Variants in BOD1L1 observed in about 807,000 individuals in gnomAD.
BOD1L1 encodes the protein biorientation of chromosomes in cell division protein 1-like 1.
A neutral mutation model predicts 240.7 loss-of-function variants in BOD1L1; 86 were observed. The observed-to-expected ratio is 0.36, with a 90% CI of 0.30 to 0.43. BOD1L1 has a LOEUF of 0.43. BOD1L1 is among the 20% of genes least tolerant of loss of function. The probability of loss-of-function intolerance (pLI) is 1.00; values close to 1 mark genes in which losing one functional copy is unlikely to be tolerated. For missense variants in BOD1L1, 3,554 were observed against 3,643.5 expected (o/e 0.98, Z 0.63); for synonymous variants, 1,268 against 1,272.3 (o/e 1.00, Z 0.07).
At chr4:13,619,305 T>TAAAAAAAAAAAAAAA (rs10650324) in intron 2 of BOD1L1, among the ~76,000 whole-genome samples, 1 of 130,796 alleles carries the variant, frequency 7.6e-6, no homozygotes, top group African/African-American at 2.9e-5. Context: ...TGAGACTCTT[T>TAAAAAAAAAAAAAAA]AAAAAAAAAA....
In BOD1L1 at chr4:13,600,068, C is replaced by T. The variant is rs200339316; in HGVS notation, c.6832G>A (p.Asp2278Asn). Residue 2278 changes from aspartate to asparagine, a missense_variant, in exon 10 of 26, where the codon GAC (aspartate) becomes AAC (asparagine). Around this residue, in one of 2 missense-constraint regions of BOD1L1, gnomAD observed 3,393 missense variants for 3,427.1 expected, o/e 0.99. Coordinates refer to ENST00000040738, the MANE Select transcript of BOD1L1 (RefSeq NM_148894.3). Reference sequence around the variant, plus strand: ...TCTTCCGCTGGTGTGACTGAGGGGTCGCCTTCCTCTTGAGGGACAGCACTG... The same window carrying T: ...TCTTCCGCTGGTGTGACTGAGGGGTTGCCTTCCTCTTGAGGGACAGCACTG... ...VSSAVPQEEG[D>N]PSVTPAEEMG... 4.4e-5 allele frequency: 71 copies of T among 1,612,768 alleles called. No homozygotes were observed. The highest frequency in any genetic ancestry group is 1.3e-4 in the East Asian group (6 of 44,802).
At chr4:13,611,150 A>T in intron 5 of BOD1L1, 50 bp from the exon 6 acceptor site, 2 of 1,356,856 alleles carry the variant, frequency 1.5e-6, no homozygotes, top group Non-Finnish European at 2.0e-6. Context: ...TTAGCATAAA[A>T]TCAACATTAT....
intron 1 of BOD1L1, among the ~76,000 whole-genome samples, chr4:13,622,802 C>T (rs1412698062): frequency 2.0e-5 from 3 of 152,214 alleles, no homozygotes; most frequent in Non-Finnish European, 2.9e-5. Context: ...AGCTATTACA[C>T]GTGGTCAACC....
Position 13,579,892 on chromosome 4 carries a change from T to C in BOD1L1, c.8749+36A>G, listed in dbSNP as rs538599538. Reference sequence around the variant, plus strand: ...ACAGCCAGCCTCTCCTGCCCCTCCCTCAGATAACACACAGAGGAATGCGGT... The same window carrying C: ...ACAGCCAGCCTCTCCTGCCCCTCCCCCAGATAACACACAGAGGAATGCGGT... On this transcript the variant is annotated intron_variant, in intron 22 of 25. Transcript: ENST00000040738. The C allele has an allele frequency of 2.6e-4, 389 of 1,523,238 alleles. 7 individuals carry two copies. In the South Asian group the frequency reaches 2.8e-3, roughly 11 times the overall value. The allele number at this position is 1,523,238 out of a possible 1,614,324, so 94.4% of individuals were successfully genotyped here. A position where few individuals can be genotyped will look rare whatever the true frequency, so the allele number is the denominator to read the frequency against.
rs1337408367 is a variant in BOD1L1, at chr4:13,577,829, G to A, written c.8750-198C>T. The stretch of plus-strand genomic sequence containing the variant: ...TTGGATTGTGAGTCACGAAACATAA[G>A]TTTTCATTTCAGATTTTATTTAAAT... On this transcript the variant is annotated intron_variant, in intron 22 of 25. Transcript: ENST00000040738. 1.2e-5 allele frequency: 5 copies of A among 401,188 alleles called. No homozygotes were observed. In the East Asian group the frequency reaches 2.1e-4, roughly 17 times the overall value. 24.9% of individuals were successfully genotyped at this position (401,188 alleles called of 1,614,324 possible).
At chr4:13,606,333 T>C (rs1715697522) in intron 9 of BOD1L1, among the ~76,000 whole-genome samples, 1 of 152,214 alleles carries the variant, frequency 6.6e-6, no homozygotes. Flanking sequence ...TACTTCTAAA[T>C]ACGCCTTTAA....
At chr4:13,595,746 G>A in intron 12 of BOD1L1, 114 bp downstream of exon 12, 1 of 684,346 alleles carries the variant, frequency 1.5e-6, no homozygotes, top group African/African-American at 1.8e-5. Context: ...AAAGTGAGAG[G>A]CAAGTTAATA....
At chr4:13,592,168 A>G in intron 12 of BOD1L1, 1 of 512,026 alleles carries the variant, frequency 2.0e-6, no homozygotes, top group Non-Finnish European at 3.5e-6. Flanking sequence ...CCAGAAAAAG[A>G]CAACATAAAT....
At chr4:13,575,962 G>C (rs1712691292) in intron 25 of BOD1L1, among the ~76,000 whole-genome samples, 3 of 144,632 alleles carry the variant, frequency 2.1e-5, no homozygotes, top group Admixed American at 1.4e-4. Flanking sequence ...GAGTGCAGTG[G>C]AGCCATCTCA....
At position 13,600,306 on chromosome 4, in the gene BOD1L1, G is replaced by A. The variant is rs756381042; in HGVS notation, c.6594C>T (p.Pro2198=). 11 of 1,614,028 alleles carry A rather than the reference G, an allele frequency of 6.8e-6. No homozygotes were observed. Among genetic ancestry groups the A allele is most frequent in the Admixed American group, 5.0e-5 (3 of 60,032 alleles). Reference sequence around the variant, plus strand: ...AGGCAAGAGGACTTTCAGCTTCTGGGGGCGCACTGGGCATAGGCCCCTCAA... The same window carrying A: ...AGGCAAGAGGACTTTCAGCTTCTGGAGGCGCACTGGGCATAGGCCCCTCAA... ...ADFEGPMPSA[P]PEAESPLAST... The change falls in exon 10 of 26, where the codon CCC becomes CCT. Residue 2198 remains proline (P), a synonymous_variant. Transcript: ENST00000040738.
chr4:13,617,131 G>A (rs1272850712), intron 2 of BOD1L1, among the ~76,000 whole-genome samples: 1 of 151,580 alleles, frequency 6.6e-6, no homozygotes, highest in East Asian at 1.9e-4. Context: ...TGTAATCCCA[G>A]CTACTTGGGA....
chr4:13,601,811 T>A lies in BOD1L1; in HGVS notation c.5089A>T (p.Ile1697Leu). ...DGAVTSAGTE[I>L]RAGSISSEEV... The stretch of plus-strand genomic sequence containing the variant: ...TCACTGCTTATAGATCCTGCTCTTA[T>A]CTCTGTTCCAGCACTTGTAACTGCT... Residue 1697 changes from isoleucine to leucine, a missense_variant, in exon 10 of 26, where the codon ATA (isoleucine) becomes TTA (leucine). Physicochemically the swap from Ile to Leu is conservative, Grantham distance 5. Transcript: ENST00000040738. 1.7e-5 allele frequency: 27 copies of A among 1,614,024 alleles called. No homozygotes were observed. The highest frequency in any genetic ancestry group is 2.3e-5 in the Non-Finnish European group (27 of 1,179,904).
chr4:13,574,343 C>T (rs1274978224), intron 25 of BOD1L1, among the ~76,000 whole-genome samples: 2 of 151,956 alleles, frequency 1.3e-5, no homozygotes, highest in African/African-American at 4.8e-5. Context: ...ATTATGAAGA[C>T]ACCAGAGCCC....
At chr4:13,591,013 T>G (rs1192964604) in intron 13 of BOD1L1, among the ~76,000 whole-genome samples, 1 of 152,064 alleles carries the variant, frequency 6.6e-6, no homozygotes, top group Non-Finnish European at 1.5e-5. Flanking sequence ...GCCAGCTGGC[T>G]CGGTAAGCTC....
chr4:13,602,125 C>T lies in BOD1L1; in HGVS notation c.4775G>A (p.Gly1592Asp), dbSNP rs1388541806. 2 of 1,614,010 alleles carry T rather than the reference C, an allele frequency of 1.2e-6. No individual in the cohort carries two copies. The highest frequency in any genetic ancestry group is 2.2e-5 in the East Asian group (1 of 44,872). ...AAATCCCTCTGTGACAACAGCCCCACCTTCTTCAGCTGCAGCAAAAACAGT... is the reference window on the plus strand; with the variant it reads ...AAATCCCTCTGTGACAACAGCCCCATCTTCTTCAGCTGCAGCAAAAACAGT... ...ECTVFAAAEE[G>D]GAVVTEGFAE... The change falls in exon 10 of 26, where the codon GGT becomes GAT. Residue 1592 changes from glycine (G) to aspartate (D), a missense_variant. By Grantham distance (94) the Gly-to-Asp change is moderately conservative. Coordinates refer to ENST00000040738, the MANE Select transcript of BOD1L1 (RefSeq NM_148894.3).
chr4:13,585,041 G>A (rs894237594), intron 17 of BOD1L1, among the ~76,000 whole-genome samples: 1 of 152,038 alleles, frequency 6.6e-6, no homozygotes, highest in Non-Finnish European at 1.5e-5. Context: ...AAAAAATCAC[G>A]AAATTTAAGA....
At chr4:13,575,758 G>A (rs1017257647) in intron 25 of BOD1L1, among the ~76,000 whole-genome samples, 6 of 152,162 alleles carry the variant, frequency 3.9e-5, no homozygotes, top group Non-Finnish European at 1.5e-5. Flanking sequence ...TTTCTCAAAT[G>A]TGCCATGGGG....
At chr4:13,575,895 CTTTTTTTTTTTTTT>C (rs35101769) in intron 25 of BOD1L1, among the ~76,000 whole-genome samples, 2 of 119,258 alleles carry the variant, frequency 1.7e-5, no homozygotes, top group Non-Finnish European at 3.6e-5. Flanking sequence ...TTGCCAAACC[CTTTTTTTTTTTTTT>C]TTTTTTTTTT....
In BOD1L1 at chr4:13,599,938, A is replaced by T; in HGVS notation, c.6962T>A (p.Val2321Glu). Reference sequence around the variant, plus strand: ...GATGGCAGCATCGCTCAAGTCTTCTACTCTTGTGATGGTGAGCCGATCTTC... The same window carrying T: ...GATGGCAGCATCGCTCAAGTCTTCTTCTCTTGTGATGGTGAGCCGATCTTC... Reference protein sequence around the residue: ...QDEDRLTITRVEDLSDAAIIS... With the variant: ...QDEDRLTITREEDLSDAAIIS... Residue 2321 changes from valine to glutamate, a missense_variant, in exon 10 of 26, where the codon GTA becomes GAA. Transcript: ENST00000040738. The T allele has an allele frequency of 4.3e-6, 7 of 1,613,060 alleles. No individual in the cohort carries two copies. Among genetic ancestry groups the T allele is most frequent in the Non-Finnish European group, 5.9e-6 (7 of 1,179,534 alleles).
Sources: allele counts gnomAD v4.1 joint callset (sites outside exome capture counted in the v4.1 genomes callset), GRCh38; gene constraint gnomAD v4.1.1; regional missense constraint gnomAD v4.1.1; transcripts MANE v1.5; gene names NCBI Gene and HGNC (gene_info 2026-07-23, HGNC 2026-07-21).